The following PSKH1 variants were observed in gnomAD, a reference collection of about 807,000 sequenced individuals.
The protein encoded by PSKH1 is protein serine kinase H1, also known as serine/threonine-protein kinase H1.
PSKH1 carries 12 observed loss-of-function variants against 26.7 expected under a neutral mutation model. That is an observed-to-expected ratio of 0.45 (90% confidence interval 0.29 to 0.73). The LOEUF is 0.73. PSKH1 is among the 30% of genes least tolerant of loss of function. PSKH1 has a pLI of 0.11. For synonymous variants in PSKH1, 213 were observed against 234.3 expected (o/e 0.91, Z 0.83); for missense variants, 431 against 595.2 (o/e 0.72, Z 2.87).
intron 1 of PSKH1, among the ~76,000 whole-genome samples, chr16:67,908,175 G>A (rs1014542316): frequency 6.6e-5 from 10 of 152,132 alleles, no homozygotes; most frequent in African/African-American, 1.9e-4. Context: ...TGAAGCTCGG[G>A]CCATCTTTTC....
intron 1 of PSKH1, among the ~76,000 whole-genome samples, chr16:67,901,371 G>A (rs897167728): frequency 1.3e-5 from 2 of 152,094 alleles, no homozygotes; most frequent in Non-Finnish European, 2.9e-5. Context: ...TCGCTCTATC[G>A]CCCAGGCTGG....
At position 67,908,666 on chromosome 16, in the gene PSKH1, CTCTT is replaced by C; in HGVS notation, c.-70-12_-70-9del. On this transcript the variant is annotated splice_polypyrimidine_tract_variant and intron_variant, in intron 1 of 2. Coordinates refer to ENST00000291041, the MANE Select transcript of PSKH1 (RefSeq NM_006742.3). ...TGGCCTGGCTGTGCTGACTTGTTCT[CTCTT>C]TGTGTGTAGGTGTAGACGGGGCACT... 1 of 1,212,112 alleles carries C rather than the reference CTCTT, an allele frequency of 8.3e-7. No homozygotes were observed. The highest frequency in any genetic ancestry group is 1.2e-6 in the Non-Finnish European group (1 of 865,822). 75.1% of individuals were successfully genotyped at this position (1,212,112 alleles called of 1,614,324 possible).
At chr16:67,905,844 G>T (rs1342147254) in intron 1 of PSKH1, among the ~76,000 whole-genome samples, 1 of 152,002 alleles carries the variant, frequency 6.6e-6, no homozygotes, top group East Asian at 1.9e-4. Flanking sequence ...GGGTGAAGGA[G>T]ACTCCATCTC....
At chr16:67,899,885 G>C (rs1289035798) in intron 1 of PSKH1, among the ~76,000 whole-genome samples, 1 of 151,826 alleles carries the variant, frequency 6.6e-6, no homozygotes, top group Non-Finnish European at 1.5e-5. Flanking sequence ...ATGACCTCAA[G>C]TGATCCACCT....
rs2058227836 is a variant in PSKH1 at position 67,928,751 on chromosome 16, C to T, written c.*1109C>T. On this transcript the variant is annotated 3_prime_UTR_variant, in exon 3 of 3. Coordinates refer to ENST00000291041, the MANE Select transcript of PSKH1 (RefSeq NM_006742.3). This position sits in a 1 kb window ranked among gnomAD's most constrained non-coding sequence, Gnocchi z 4.8. The stretch of plus-strand genomic sequence containing the variant: ...ATCGTGCACACCCACCCATGGTGCA[C>T]ACCTGTAGTCCTCCATGAGGACATG... 6.6e-6 allele frequency: 1 copy of T among 152,460 alleles called. No individual in the cohort carries two copies. The highest frequency in any genetic ancestry group is 3.4e-3 in the Middle Eastern group (1 of 296). 9.4% of individuals were successfully genotyped at this position (152,460 alleles called of 1,614,324 possible).
chr16:67,894,424 G>A (rs1471739321), intron 1 of PSKH1, among the ~76,000 whole-genome samples: 3 of 152,188 alleles, frequency 2.0e-5, no homozygotes, highest in Non-Finnish European at 2.9e-5. Flanking sequence ...ATTAATACAA[G>A]CGTGAGCCAC....
intron 1 of PSKH1, among the ~76,000 whole-genome samples, chr16:67,902,456 G>A (rs535408505): frequency 2.6e-5 from 4 of 151,896 alleles, no homozygotes; most frequent in East Asian, 3.9e-4. Flanking sequence ...CATCACGTCC[G>A]GGGCTAATTT....
At chr16:67,894,117 G>A (rs1201334621) in intron 1 of PSKH1, among the ~76,000 whole-genome samples, 1 of 152,316 alleles carries the variant, frequency 6.6e-6, no homozygotes, top group African/African-American at 2.4e-5. Context: ...TTGTTAAAAC[G>A]TGTGGCGCTC....
chr16:67,921,082 C>T (rs180713214), intron 2 of PSKH1, among the ~76,000 whole-genome samples: 59 of 151,978 alleles, frequency 3.9e-4, no homozygotes, highest in African/African-American at 1.2e-3. Flanking sequence ...AGTTTGAGAC[C>T]GACCTGACCA....
At chr16:67,922,630 G>A (rs2058205754) in intron 2 of PSKH1, among the ~76,000 whole-genome samples, 1 of 152,186 alleles carries the variant, frequency 6.6e-6, no homozygotes, top group South Asian at 2.1e-4. Context: ...AGGAATCCAG[G>A]AGTTTATAAA....
In PSKH1 at chr16:67,909,201, G is replaced by A. The variant is rs1019592266; in HGVS notation, c.452G>A (p.Arg151His). The stretch of plus-strand genomic sequence containing the variant: ...GAGCTGCGTGTGCTGCGTCGGGTGC[G>A]TCATGCCAACATCATCCAGCTGGTG... ...ESELRVLRRV[R>H]HANIIQLVEV... is the part of the protein sequence containing the mutation. The change falls in exon 2 of 3, where the codon CGT becomes CAT. Residue 151 changes from arginine to histidine, a missense_variant. Arg to His is a conservative substitution (Grantham distance 29). Transcript: ENST00000291041. This position sits in a 1 kb window ranked among gnomAD's most constrained non-coding sequence, Gnocchi z 7.8. 14 of 1,614,040 alleles carry A rather than the reference G, an allele frequency of 8.7e-6. No individual in the cohort carries two copies. The highest frequency in any genetic ancestry group is 4.0e-5 in the African/African-American group (3 of 74,902).
Position 67,908,755 on chromosome 16 carries a change from C to T in PSKH1, c.6C>T (p.Gly2=). M[G]CGTSKVLPEP... is the part of the protein sequence containing the mutation. The stretch of plus-strand genomic sequence containing the variant: ...AGGATGCCCTCGTGTCCGTGATGGG[C>T]TGTGGGACAAGCAAGGTCCTTCCCG... The change falls in exon 2 of 3, where the codon GGC becomes GGT. Residue 2 remains glycine, a synonymous_variant. Transcript: ENST00000291041. The T allele has an allele frequency of 6.3e-7, 1 of 1,582,148 alleles. No homozygotes were observed. Among genetic ancestry groups the T allele is most frequent in the Non-Finnish European group, 8.6e-7 (1 of 1,160,914 alleles).
intron 2 of PSKH1, among the ~76,000 whole-genome samples, chr16:67,921,557 G>A (rs1484627906): frequency 2.0e-5 from 3 of 152,044 alleles, no homozygotes; most frequent in South Asian, 2.1e-4. Context: ...CTCCAGCCTG[G>A]GTGACAGAGT....
chr16:67,914,327 A>G (rs1455262870), intron 2 of PSKH1, among the ~76,000 whole-genome samples: 2 of 147,524 alleles, frequency 1.4e-5, no homozygotes. Context: ...CTAATTTTGT[A>G]TTTTTAGTAG....
chr16:67,908,660 T>G lies in PSKH1; in HGVS notation c.-70-20T>G. ...TAGAGTTGGCCTGGCTGTGCTGACTTGTTCTCTCTTTGTGTGTAGGTGTAG... is the reference window on the plus strand; with the variant it reads ...TAGAGTTGGCCTGGCTGTGCTGACTGGTTCTCTCTTTGTGTGTAGGTGTAG... On this transcript the variant is annotated intron_variant, in intron 1 of 2. Coordinates refer to ENST00000291041, the MANE Select transcript of PSKH1 (RefSeq NM_006742.3). The G allele has an allele frequency of 8.7e-7, 1 of 1,144,774 alleles. No homozygotes were observed. The highest frequency in any genetic ancestry group is 1.2e-6 in the Non-Finnish European group (1 of 809,348). 70.9% of individuals were successfully genotyped at this position (1,144,774 alleles called of 1,614,324 possible). A position where few individuals can be genotyped will look rare whatever the true frequency, so the allele number is the denominator to read the frequency against.
intron 1 of PSKH1, among the ~76,000 whole-genome samples, chr16:67,896,928 G>T (rs1183683755): frequency 6.6e-6 from 1 of 152,190 alleles, no homozygotes; most frequent in Non-Finnish European, 1.5e-5. Context: ...CCCTACAGAA[G>T]TAGGTGCTGG....
At chr16:67,922,136 C>T (rs1331004978) in intron 2 of PSKH1, among the ~76,000 whole-genome samples, 1 of 152,076 alleles carries the variant, frequency 6.6e-6, no homozygotes, top group African/African-American at 2.4e-5. Context: ...TCTGGAAGCC[C>T]AGGCACCAGG....
intron 1 of PSKH1, among the ~76,000 whole-genome samples, chr16:67,900,954 C>T (rs554542158): frequency 1.3e-5 from 2 of 152,268 alleles, no homozygotes; most frequent in African/African-American, 4.8e-5. Flanking sequence ...CTCTGCTCTT[C>T]TTCCTAGGAG....
chr16:67,896,110 T>C (rs1328531653), intron 1 of PSKH1, among the ~76,000 whole-genome samples: 1 of 150,740 alleles, frequency 6.6e-6, no homozygotes. Context: ...TCTTCTTTTT[T>C]CTTTTCTTTT....
Sources: gnomAD v4.1 joint callset for allele counts (sites outside exome capture counted in the v4.1 genomes callset) on GRCh38, gnomAD v4.1.1 for gene constraint, Gnocchi (gnomAD v3.1) non-coding constraint, MANE v1.5 for transcripts, NCBI Gene and HGNC (gene_info 2026-07-23, HGNC 2026-07-21) for gene names.